KIF13B: variants seen among roughly 807,000 people sequenced by gnomAD.
The protein encoded by KIF13B is kinesin-like protein KIF13B.
Under a neutral mutation model 222.0 loss-of-function variants are expected in KIF13B, and 127 were observed. That is an observed-to-expected ratio of 0.57 (90% CI 0.50 to 0.66). The LOEUF (loss-of-function observed/expected upper bound fraction) is 0.66. KIF13B is among the 30% of genes least tolerant of loss of function. KIF13B has a pLI of 0.00. For synonymous variants in KIF13B, 976 were observed against 919.0 expected, an observed-to-expected ratio of 1.06 and a Z score of -1.12; for missense variants, 2,173 against 2,379.0, an observed-to-expected ratio of 0.91 and a Z score of 1.80.
At chr8:29,189,900 A>G (rs1257916157) in intron 4 of KIF13B, 1 of 152,278 alleles carries the variant, frequency 6.6e-6, no homozygotes, top group East Asian at 1.9e-4. Flanking sequence ...AATGGCACAC[A>G]GTGAATCTCC....
At chr8:29,137,597 T>C (rs949677710) in intron 21 of KIF13B, among the ~76,000 whole-genome samples, 5 of 152,268 alleles carry the variant, frequency 3.3e-5, no homozygotes, top group African/African-American at 1.2e-4. Flanking sequence ...CATGACATCT[T>C]AACTGTCTCC....
At chr8:29,198,005 A>G (rs754125568) in intron 2 of KIF13B, among the ~76,000 whole-genome samples, 3 of 152,220 alleles carry the variant, frequency 2.0e-5, no homozygotes, top group Non-Finnish European at 2.9e-5. Flanking sequence ...TTTGCTTCCA[A>G]TTGTCTTCGA....
intron 19 of KIF13B, among the ~76,000 whole-genome samples, chr8:29,141,390 G>C (rs367744463): frequency 6.6e-6 from 1 of 151,764 alleles, no homozygotes; most frequent in African/African-American, 2.4e-5. Context: ...TATTACTGTT[G>C]TTTTATTTCT....
In KIF13B at chr8:29,069,815, G is replaced by C. The variant is rs1014887702; in HGVS notation, c.*689C>G. 1.3e-5 allele frequency: 2 copies of C among 152,286 alleles called. No individual in the cohort carries two copies. The highest frequency in any genetic ancestry group is 4.8e-5 in the African/African-American group (2 of 41,474). The allele number at this position is 152,286 out of a possible 1,614,324, so 9.4% of individuals were successfully genotyped here. On this transcript the variant is annotated 3_prime_UTR_variant, in exon 40 of 40. Transcript: ENST00000524189. ...AACGGCAAACATAAGAGACTTTCCA[G>C]GTGTCTAAAGATGCCAAAACATCCA...
At chr8:29,075,114 G>T (rs1215386799) in intron 38 of KIF13B, among the ~76,000 whole-genome samples, 167 bp downstream of exon 38, 2 of 152,210 alleles carry the variant, frequency 1.3e-5, no homozygotes, top group Non-Finnish European at 2.9e-5. Flanking sequence ...AAATAGAAAA[G>T]TATAACAAGG....
At chr8:29,153,922 G>T (rs972387777) in intron 14 of KIF13B, among the ~76,000 whole-genome samples, 1 of 152,128 alleles carries the variant, frequency 6.6e-6, no homozygotes, top group Admixed American at 6.6e-5. Context: ...CATTTACCTG[G>T]TGATATAGTA....
chr8:29,091,014 G>A (rs925486944), intron 37 of KIF13B, among the ~76,000 whole-genome samples: 1 of 152,082 alleles, frequency 6.6e-6, no homozygotes, highest in Non-Finnish European at 1.5e-5. Flanking sequence ...CACTGCACTC[G>A]GCCATATATT....
rs896156711 is a variant in KIF13B, at chr8:29,068,495, G to C, written c.*2009C>G. The C allele has an allele frequency of 6.6e-6, 1 of 152,174 alleles. No homozygotes were observed. Among genetic ancestry groups the C allele is most frequent in the East Asian group, 1.9e-4 (1 of 5,138 alleles). 9.4% of individuals were successfully genotyped at this position (152,174 alleles called of 1,614,324 possible). A position where few individuals can be genotyped will look rare whatever the true frequency, so the allele number is the denominator to read the frequency against. ...CTGCTCAAGTCAGGAACTCTGGCTC[G>C]TTCTACTCCACTGTAAGTCAAACCG... On this transcript the variant is annotated 3_prime_UTR_variant, in exon 40 of 40. Coordinates refer to ENST00000524189, the MANE Select transcript of KIF13B (RefSeq NM_015254.4). This position sits in a 1 kb window ranked among gnomAD's most constrained non-coding sequence, Gnocchi z 4.4.
chr8:29,230,393 T>G (rs1342350579), intron 2 of KIF13B, among the ~76,000 whole-genome samples: 2 of 152,174 alleles, frequency 1.3e-5, no homozygotes, highest in Admixed American at 1.3e-4. Context: ...TGGCCTATCC[T>G]CTTCCTAATA....
rs1481822146 is a variant in KIF13B at position 29,123,946 on chromosome 8, T to G, written c.3352+78A>C. The stretch of plus-strand genomic sequence containing the variant: ...CTGATGTGTTCATCTGGTTCTTAAC[T>G]GATGTGGCTACAAAGGGAGAATAAT... On this transcript the variant is annotated intron_variant, in intron 27 of 39. Transcript: ENST00000524189. 5 of 862,158 alleles carry G rather than the reference T, an allele frequency of 5.8e-6. No homozygotes were observed. In the East Asian group the frequency reaches 1.3e-4, roughly 22 times the overall value. 53.4% of individuals were successfully genotyped at this position (862,158 alleles called of 1,614,324 possible).
intron 2 of KIF13B, among the ~76,000 whole-genome samples, chr8:29,227,258 C>A (rs1815066733): frequency 6.6e-6 from 1 of 151,768 alleles, no homozygotes; most frequent in Non-Finnish European, 1.5e-5. Flanking sequence ...TAATAAAAAG[C>A]ATTTTATACT....
At chr8:29,183,705 A>C (rs1367672796) in intron 6 of KIF13B, among the ~76,000 whole-genome samples, 1 of 152,206 alleles carries the variant, frequency 6.6e-6, no homozygotes, top group Non-Finnish European at 1.5e-5. Flanking sequence ...GGCACATAAG[A>C]ATCACTAAGT....
chr8:29,155,904 C>T (rs933644452), intron 13 of KIF13B, 48 bp from the exon 14 acceptor site: 3 of 1,427,664 alleles, frequency 2.1e-6, no homozygotes, highest in Non-Finnish European at 9.7e-7. Flanking sequence ...CTTACATATA[C>T]ACAATTGAAA....
chr8:29,205,842 G>T (rs1003753482), intron 2 of KIF13B, among the ~76,000 whole-genome samples: 4 of 152,058 alleles, frequency 2.6e-5, no homozygotes, highest in Non-Finnish European at 4.4e-5. Flanking sequence ...CAACACTCTG[G>T]GAGGCTGAGG....
chr8:29,201,185 C>A, intron 2 of KIF13B, among the ~76,000 whole-genome samples: 1 of 152,208 alleles, frequency 6.6e-6, no homozygotes, highest in Non-Finnish European at 1.5e-5. Flanking sequence ...GAGACCTCCC[C>A]AGCCCAGGTG....
At chr8:29,101,627 G>A (rs1423906780) in intron 35 of KIF13B, among the ~76,000 whole-genome samples, 4 of 152,162 alleles carry the variant, frequency 2.6e-5, no homozygotes, top group East Asian at 1.9e-4. Context: ...TACACAATGC[G>A]TAGATCCTGC....
chr8:29,113,455 T>A lies in KIF13B; in HGVS notation c.3930+8A>T. 6.6e-7 allele frequency: 1 copy of A among 1,514,230 alleles called. No individual in the cohort carries two copies. The highest frequency in any genetic ancestry group is 9.0e-7 in the Non-Finnish European group (1 of 1,107,648). The allele number at this position is 1,514,230 out of a possible 1,614,324, so 93.8% of individuals were successfully genotyped here. On this transcript the variant is annotated splice_region_variant and intron_variant, in intron 32 of 39. Coordinates refer to ENST00000524189, the MANE Select transcript of KIF13B (RefSeq NM_015254.4). ...ATTTTTAGTAAATTTAAATTGTATA[T>A]CCTTCACCTCTGGAATATTGGAGAC...
intron 1 of KIF13B, among the ~76,000 whole-genome samples, chr8:29,248,294 T>C (rs1205589711): frequency 2.0e-5 from 3 of 152,134 alleles, no homozygotes; most frequent in Admixed American, 6.5e-5. Context: ...CAAATGTCCA[T>C]CAACTGACCA....
chr8:29,165,065 C>T (rs901533143), intron 12 of KIF13B, among the ~76,000 whole-genome samples: 81 of 152,170 alleles, frequency 5.3e-4, no homozygotes, highest in African/African-American at 1.8e-3. Context: ...CCAGGCTGGG[C>T]TCAAACTCCT....
Sources: allele counts gnomAD v4.1 joint callset (sites outside exome capture counted in the v4.1 genomes callset), GRCh38; gene constraint gnomAD v4.1.1; non-coding constraint Gnocchi (gnomAD v3.1); transcripts MANE v1.5; gene names NCBI Gene and HGNC (gene_info 2026-07-23, HGNC 2026-07-21).